The following FGF10 variants were observed in gnomAD, a reference collection of about 807,000 sequenced individuals.
FGF10 encodes the protein fibroblast growth factor 10.
Under a neutral mutation model 19.8 loss-of-function variants are expected in FGF10, and 2 were observed. That is an observed-to-expected ratio of 0.10 (90% CI 0.04 to 0.32). The LOEUF (loss-of-function observed/expected upper bound fraction) is 0.32. Among genes scored for constraint, FGF10 ranks in the 10% least tolerant of loss-of-function variants. The pLI, the probability that FGF10 is intolerant of heterozygous loss-of-function variation, is 1.00. For synonymous variants in FGF10, 112 were observed against 94.0 expected (o/e 1.19, Z -1.10); for missense variants, 191 against 246.3 (o/e 0.78, Z 1.50).
intron 1 of FGF10, among the ~76,000 whole-genome samples, chr5:44,333,194 G>A (rs1229521861): frequency 6.6e-6 from 1 of 152,070 alleles, no homozygotes; most frequent in Non-Finnish European, 1.5e-5. Context: ...TCAGTCTAGA[G>A]AGAAAATACT....
At chr5:44,344,847 G>A (rs1579920278) in intron 1 of FGF10, among the ~76,000 whole-genome samples, 3 of 150,660 alleles carry the variant, frequency 2.0e-5, no homozygotes, top group South Asian at 2.1e-4. Context: ...ATAACTTTTC[G>A]AATTTGGATA....
chr5:44,385,980 A>G lies in FGF10; in HGVS notation c.325+2378T>C, dbSNP rs1176007726. Among the ~76,000 whole-genome samples the G allele has an allele frequency of 2.0e-5, 3 of 152,054 alleles. No individual in the cohort carries two copies. The East Asian group carries it at 5.8e-4, about 29-fold the overall frequency. ...TAGCAGAGTGAACCCCTCCCCTTTCACTGTTAACCGTTGATTAAGATTGCA... is the reference window on the plus strand; with the variant it reads ...TAGCAGAGTGAACCCCTCCCCTTTCGCTGTTAACCGTTGATTAAGATTGCA... On this transcript the variant is annotated intron_variant, in intron 1 of 2. Coordinates refer to ENST00000264664, the MANE Select transcript of FGF10 (RefSeq NM_004465.2).
At chr5:44,363,120 G>C (rs545061577) in intron 1 of FGF10, among the ~76,000 whole-genome samples, 1 of 151,916 alleles carries the variant, frequency 6.6e-6, no homozygotes, top group South Asian at 2.1e-4. Flanking sequence ...AAAAACAACA[G>C]ATGAATATGA....
intron 1 of FGF10, among the ~76,000 whole-genome samples, chr5:44,380,607 A>C (rs562822743): frequency 6.6e-6 from 1 of 152,240 alleles, no homozygotes; most frequent in African/African-American, 2.4e-5. Context: ...TCTAAGTGCC[A>C]TTCTGGAAGT....
intron 1 of FGF10, among the ~76,000 whole-genome samples, chr5:44,339,488 A>G (rs985543542): frequency 6.6e-6 from 1 of 152,182 alleles, no homozygotes; most frequent in African/African-American, 2.4e-5. Flanking sequence ...CTTTCTTTAT[A>G]TAAGTGGGCT....
chr5:44,367,191 C>T (rs1052860038), intron 1 of FGF10, among the ~76,000 whole-genome samples: 4 of 151,896 alleles, frequency 2.6e-5, no homozygotes, highest in African/African-American at 9.7e-5. Flanking sequence ...TGAAAAGTAA[C>T]TACTGAAAAA....
intron 1 of FGF10, among the ~76,000 whole-genome samples, chr5:44,386,422 C>A (rs1016630498): frequency 3.3e-5 from 5 of 152,096 alleles, no homozygotes; most frequent in African/African-American, 4.8e-5. Context: ...AGAAATGAGT[C>A]CATCAGAATT....
chr5:44,308,890 C>A (rs1187248037), intron 2 of FGF10, among the ~76,000 whole-genome samples: 1 of 152,146 alleles, frequency 6.6e-6, no homozygotes, highest in Non-Finnish European at 1.5e-5. Flanking sequence ...GCACCACAGA[C>A]TTATTGAATC....
At chr5:44,316,470 G>A (rs1447537390) in intron 1 of FGF10, among the ~76,000 whole-genome samples, 2 of 152,130 alleles carry the variant, frequency 1.3e-5, no homozygotes, top group Non-Finnish European at 2.9e-5. Flanking sequence ...AGATTGCTGG[G>A]ATTTTTGACT....
At chr5:44,363,302 T>C (rs1741533707) in intron 1 of FGF10, among the ~76,000 whole-genome samples, 1 of 151,804 alleles carries the variant, frequency 6.6e-6, no homozygotes. Flanking sequence ...ACACAATCAT[T>C]TTTAATGGCT....
At chr5:44,351,889 G>T (rs1170963212) in intron 1 of FGF10, among the ~76,000 whole-genome samples, 1 of 151,490 alleles carries the variant, frequency 6.6e-6, no homozygotes, top group Non-Finnish European at 1.5e-5. Flanking sequence ...AATATTTACT[G>T]ATTTATATCT....
intron 1 of FGF10, among the ~76,000 whole-genome samples, chr5:44,326,435 G>A (rs1047477315): frequency 9.2e-5 from 14 of 152,054 alleles, no homozygotes; most frequent in Non-Finnish European, 1.8e-4. Flanking sequence ...GTCTCACTCT[G>A]TCACCCATGC....
chr5:44,344,861 G>A (rs1235500887), intron 1 of FGF10, among the ~76,000 whole-genome samples: 3 of 150,556 alleles, frequency 2.0e-5, no homozygotes, highest in Admixed American at 6.6e-5. Context: ...TTGGATAATA[G>A]CACTTGTATA....
chr5:44,356,799 G>A (rs995598337), intron 1 of FGF10, among the ~76,000 whole-genome samples: 1 of 151,348 alleles, frequency 6.6e-6, no homozygotes, highest in Non-Finnish European at 1.5e-5. Flanking sequence ...GAGTGTCCAT[G>A]AAAAGGTGTC....
chr5:44,347,300 G>A (rs1741110178), intron 1 of FGF10, among the ~76,000 whole-genome samples: 1 of 151,626 alleles, frequency 6.6e-6, no homozygotes, highest in Non-Finnish European at 1.5e-5. Context: ...ATCACTCTGA[G>A]TTACATATGG....
intron 1 of FGF10, among the ~76,000 whole-genome samples, chr5:44,312,176 G>A (rs1009856411): frequency 4.8e-5 from 7 of 147,106 alleles, no homozygotes; most frequent in African/African-American, 1.8e-4. Flanking sequence ...TTTCCCTTAT[G>A]CTGGTAGTTT....
intron 1 of FGF10, among the ~76,000 whole-genome samples, chr5:44,344,262 C>T (rs1221018981): frequency 6.6e-6 from 1 of 152,032 alleles, no homozygotes; most frequent in Non-Finnish European, 1.5e-5. Flanking sequence ...CATCCCATTG[C>T]CACAGTCCAA....
intron 1 of FGF10, among the ~76,000 whole-genome samples, chr5:44,361,334 GCTTT>G: frequency 6.6e-6 from 1 of 151,822 alleles, no homozygotes; most frequent in Admixed American, 6.6e-5. Context: ...ACTCATGAGA[GCTTT>G]CTATTTTAAT....
At chr5:44,381,584 A>G (rs531263310) in intron 1 of FGF10, among the ~76,000 whole-genome samples, 1 of 152,304 alleles carries the variant, frequency 6.6e-6, no homozygotes, top group Admixed American at 6.5e-5. Context: ...AGACTAACTC[A>G]AAACAAAGCT....
Sources: gnomAD v4.1 joint callset for allele counts (sites outside exome capture counted in the v4.1 genomes callset) on GRCh38, gnomAD v4.1.1 for gene constraint, MANE v1.5 for transcripts, NCBI Gene and HGNC (gene_info 2026-07-23, HGNC 2026-07-21) for gene names.